Variants in VPS11 observed in about 807,000 individuals in gnomAD.
VPS11 encodes the protein VPS11 core subunit of CORVET and HOPS complexes, also known as vacuolar protein sorting-associated protein 11 homolog.
Under a neutral mutation model 106.8 loss-of-function variants are expected in VPS11, and 51 were observed. The observed-to-expected ratio is 0.48, with a 90% CI of 0.38 to 0.60. The LOEUF is 0.60. VPS11 is among the 20% of genes least tolerant of loss of function. VPS11 has a pLI of 0.00. For missense variants in VPS11, 950 were observed against 1,190.0 expected, an observed-to-expected ratio of 0.80 and a Z score of 2.97; for synonymous variants, 453 against 458.7, an observed-to-expected ratio of 0.99 and a Z score of 0.16.
intron 1 of VPS11, 49 bp downstream of exon 1, chr11:119,068,059 T>G: frequency 6.5e-7 from 1 of 1,535,098 alleles, no homozygotes. Context: ...CCCGAAGAGA[T>G]CGAGTTAGGA....
chr11:119,076,472 G>A (rs1391360611), intron 7 of VPS11, among the ~76,000 whole-genome samples: 2 of 151,704 alleles, frequency 1.3e-5, no homozygotes, highest in East Asian at 3.9e-4. Flanking sequence ...GTTGCGGTGG[G>A]CTGAGATCGT....
At position 119,069,430 on chromosome 11, in the gene VPS11, G is replaced by T; in HGVS notation, c.337-12G>T. ...GATGACTAGCATTTACACTTCTGAG[G>T]TCTGTCCACAGGTTAAGATCTGGAA... On this transcript the variant is annotated splice_polypyrimidine_tract_variant and intron_variant, in intron 2 of 15. Coordinates refer to ENST00000621676, the MANE Select transcript of VPS11 (RefSeq NM_021729.6). 6.2e-7 allele frequency: 1 copy of T among 1,614,002 alleles called. No homozygotes were observed. The highest frequency in any genetic ancestry group is 8.5e-7 in the Non-Finnish European group (1 of 1,179,888).
intron 7 of VPS11, 104 bp downstream of exon 7, chr11:119,074,055 A>T: frequency 7.4e-7 from 1 of 1,355,172 alleles, no homozygotes; most frequent in South Asian, 1.6e-5. Context: ...TTCTACCAGG[A>T]ACTGTTTTTG....
rs1458769859 is a variant in VPS11 at position 119,073,784 on chromosome 11, C to T, written c.1087-16C>T. On this transcript the variant is annotated splice_polypyrimidine_tract_variant and intron_variant, in intron 6 of 15. Coordinates refer to ENST00000621676, the MANE Select transcript of VPS11 (RefSeq NM_021729.6). ...GGACCACTTCTACCAATTTTCTAAT[C>T]TCTCTTCCCTTCTAGATGCTGTTTA... 2 of 1,595,170 alleles carry T rather than the reference C, an allele frequency of 1.3e-6. No homozygotes were observed. The highest frequency in any genetic ancestry group is 1.7e-6 in the Non-Finnish European group (2 of 1,164,162).
At position 119,078,966 on chromosome 11, in the gene VPS11, C is replaced by T. The variant is rs571845550; in HGVS notation, c.2235C>T (p.Ile745=). ...ATGTGGCAGCTGTCCTCAAGCATAT[C>T]GAGAACAAGAACCTCATGCCACCTC... ...KEYVAAVLKH[I]ENKNLMPPLL... is the part of the protein sequence containing the mutation. Residue 745 remains isoleucine, a synonymous_variant, in exon 13 of 16, where the codon ATC becomes ATT. Transcript: ENST00000621676. 1.1e-4 allele frequency: 176 copies of T among 1,614,032 alleles called. No individual in the cohort carries two copies. The South Asian group carries it at 1.8e-3, about 16-fold the overall frequency.
chr11:119,076,911 T>C lies in VPS11; in HGVS notation c.1253T>C (p.Leu418Ser). 1 of 1,614,020 alleles carries C rather than the reference T, an allele frequency of 6.2e-7. No individual in the cohort carries two copies. The highest frequency in any genetic ancestry group is 8.5e-7 in the Non-Finnish European group (1 of 1,179,900). ...VQQYIRTIGK[L>S]EPSYVIRKFL... ...TGTCTCCCTAGAACCATTGGAAAGTTGGAGCCATCCTACGTGATCCGCAAG... is the reference window on the plus strand; with the variant it reads ...TGTCTCCCTAGAACCATTGGAAAGTCGGAGCCATCCTACGTGATCCGCAAG... Residue 418 changes from leucine to serine, a missense_variant, in exon 8 of 16, where the codon TTG becomes TCG. This residue lies in a region of VPS11 where 435 missense variants were observed against 630.2 expected (regional missense o/e 0.69). Coordinates refer to ENST00000621676, the MANE Select transcript of VPS11 (RefSeq NM_021729.6).
intron 8 of VPS11, 65 bp from the exon 9 acceptor site, chr11:119,077,436 C>A: frequency 6.4e-7 from 1 of 1,560,280 alleles, no homozygotes; most frequent in Non-Finnish European, 8.7e-7. Flanking sequence ...AAGTCAGGTG[C>A]CTGTTTCCTC....
Position 119,078,996 on chromosome 11 carries a change from A to G in VPS11, c.2265A>G (p.Leu755=), listed in dbSNP as rs782349615. 1.9e-5 allele frequency: 31 copies of G among 1,613,890 alleles called. No homozygotes were observed. Among genetic ancestry groups the G allele is most frequent in the Non-Finnish European group, 2.6e-5 (31 of 1,179,880 alleles). The change falls in exon 13 of 16, where the codon CTA becomes CTG. Residue 755 remains leucine, a splice_region_variant and synonymous_variant. Coordinates refer to ENST00000621676, the MANE Select transcript of VPS11 (RefSeq NM_021729.6). ...IENKNLMPPL[L]VVQTLAHNST... is the part of the protein sequence containing the mutation. Reference sequence around the variant, plus strand: ...ACAAGAACCTCATGCCACCTCTTCTAGGTACTTGGGAAGACAGATGGGTGG... The same window carrying G: ...ACAAGAACCTCATGCCACCTCTTCTGGGTACTTGGGAAGACAGATGGGTGG...
intron 8 of VPS11, 23 bp downstream of exon 8, chr11:119,077,106 A>T: frequency 6.2e-7 from 1 of 1,600,968 alleles, no homozygotes; most frequent in South Asian, 1.1e-5. Context: ...GTTGGTGGGG[A>T]AGTCTTGGAG....
At chr11:119,071,097 T>G (rs1945371120) in intron 4 of VPS11, among the ~76,000 whole-genome samples, 1 of 151,854 alleles carries the variant, frequency 6.6e-6, no homozygotes, top group Admixed American at 6.6e-5. Flanking sequence ...CCTGGCTAAT[T>G]TTTGTATTTT....
chr11:119,077,606 C>T lies in VPS11; in HGVS notation c.1531C>T (p.His511Tyr), dbSNP rs782222127. The T allele has an allele frequency of 1.1e-5, 17 of 1,612,420 alleles. No individual in the cohort carries two copies. Among genetic ancestry groups the T allele is most frequent in the Non-Finnish European group, 1.4e-5 (16 of 1,179,120 alleles). ...CCTGTATCTGGCGGAGAACCATGCA[C>T]ATCATGAGTGGTACCTGAAGATCCA... ...HALYLAENHA[H>Y]HEWYLKIQLE... Residue 511 changes from histidine (H) to tyrosine (Y), a missense_variant, in exon 9 of 16, where the codon CAT becomes TAT. His to Tyr is a moderately conservative substitution (Grantham distance 83). Coordinates refer to ENST00000621676, the MANE Select transcript of VPS11 (RefSeq NM_021729.6).
At chr11:119,077,377 C>T in intron 8 of VPS11, 124 bp from the exon 9 acceptor site, 1 of 1,341,908 alleles carries the variant, frequency 7.5e-7, no homozygotes, top group South Asian at 1.5e-5. Context: ...GGCTGAGTAG[C>T]ATAATATTTT....
chr11:119,078,279 A>G lies in VPS11; in HGVS notation c.1868A>G (p.Tyr623Cys). The change falls in exon 11 of 16, where the codon TAC (tyrosine) becomes TGC (cysteine). Residue 623 changes from tyrosine to cysteine, a missense_variant. By Grantham distance (194) the Tyr-to-Cys change is radical (BLOSUM62 -2). Coordinates refer to ENST00000621676, the MANE Select transcript of VPS11 (RefSeq NM_021729.6). Reference sequence around the variant, plus strand: ...CAGCCAGACTCACCCCAGGGGATCTACGACACACTCCTTGAGCTGCGACTG... The same window carrying G: ...CAGCCAGACTCACCCCAGGGGATCTGCGACACACTCCTTGAGCTGCGACTG... ...EVQPDSPQGI[Y>C]DTLLELRLQN... 2 of 1,613,444 alleles carry G rather than the reference A, an allele frequency of 1.2e-6. No homozygotes were observed. Among genetic ancestry groups the G allele is most frequent in the African/African-American group, 2.7e-5 (2 of 75,038 alleles).
At chr11:119,071,867 AG>A in intron 5 of VPS11, 24 bp downstream of exon 5, 2 of 1,604,774 alleles carry the variant, frequency 1.2e-6, no homozygotes, top group Non-Finnish European at 1.7e-6. Context: ...GAGAAGGGAC[AG>A]GGAGAGGGCT....
rs1422987286 is a variant in VPS11 at position 119,078,510 on chromosome 11, G to C, written c.1924-55G>C. On this transcript the variant is annotated intron_variant, in intron 11 of 15. Coordinates refer to ENST00000621676, the MANE Select transcript of VPS11 (RefSeq NM_021729.6). ...AAAGAGTTGACTGGCTTTGTCCCAA[G>C]AGACCTTGTGATTTTCCCCTTTTGT... 1.6e-5 allele frequency: 26 copies of C among 1,595,474 alleles called. No individual in the cohort carries two copies. In the Admixed American group the frequency reaches 3.3e-4, roughly 21 times the overall value.
intron 5 of VPS11, chr11:119,072,072 A>G (rs1258990614): frequency 4.5e-6 from 2 of 448,282 alleles, no homozygotes; most frequent in Admixed American, 3.5e-5. Context: ...TTCCAGTGAT[A>G]CTCCTGCCTC....
intron 1 of VPS11, among the ~76,000 whole-genome samples, chr11:119,068,549 C>A (rs909418168): frequency 2.8e-5 from 4 of 144,438 alleles, no homozygotes; most frequent in Non-Finnish European, 6.0e-5. Context: ...TGAGTTCAAG[C>A]GATTCTCCTG....
chr11:119,068,876 T>G (rs1945238117), intron 1 of VPS11, among the ~76,000 whole-genome samples: 1 of 151,576 alleles, frequency 6.6e-6, no homozygotes, highest in Admixed American at 6.6e-5. Flanking sequence ...CTCAACCTCC[T>G]GAGTAGCTGA....
At chr11:119,078,494 A>G in intron 11 of VPS11, 71 bp from the exon 12 acceptor site, 1 of 1,587,332 alleles carries the variant, frequency 6.3e-7, no homozygotes, top group Non-Finnish European at 8.6e-7. Flanking sequence ...GAAAGAGTTG[A>G]CTGGCTTTGT....
Sources: gnomAD v4.1 joint callset for allele counts (sites outside exome capture counted in the v4.1 genomes callset) on GRCh38, gnomAD v4.1.1 for gene constraint, gnomAD v4.1.1 regional missense constraint, MANE v1.5 for transcripts, NCBI Gene and HGNC (gene_info 2026-07-23, HGNC 2026-07-21) for gene names.